USP25: variants seen among roughly 807,000 people sequenced by gnomAD.
USP25 encodes the protein ubiquitin carboxyl-terminal hydrolase 25.
USP25 carries 85 observed loss-of-function variants against 158.5 expected under a neutral mutation model. The observed-to-expected ratio is 0.54, with a 90% CI of 0.45 to 0.64. The LOEUF (loss-of-function observed/expected upper bound fraction) is 0.64, where lower values mean the gene tolerates loss of function less well. Among genes scored for constraint, USP25 ranks in the 30% least tolerant of loss-of-function variants. USP25 has a pLI of 0.00. For synonymous variants in USP25, 464 were observed against 460.4 expected, an observed-to-expected ratio of 1.01 and a Z score of -0.10; for missense variants, 1,242 against 1,327.3, an observed-to-expected ratio of 0.94 and a Z score of 1.00.
intron 4 of USP25, among the ~76,000 whole-genome samples, 175 bp from the exon 5 acceptor site, chr21:15,791,327 C>G (rs780330176): frequency 1.3e-5 from 2 of 151,800 alleles, no homozygotes; most frequent in Non-Finnish European, 2.9e-5. Flanking sequence ...CTATACTTCT[C>G]TATGTATTAG....
At chr21:15,755,410 G>A (rs376255935) in intron 1 of USP25, among the ~76,000 whole-genome samples, 11 of 152,182 alleles carry the variant, frequency 7.2e-5, no homozygotes, top group Middle Eastern at 3.4e-3. Context: ...CATTTTATAA[G>A]TATTTTACAT....
At chr21:15,872,530 GAACTACTAC>G (rs2039938124) in intron 23 of USP25, among the ~76,000 whole-genome samples, 2 of 152,094 alleles carry the variant, frequency 1.3e-5, no homozygotes, top group African/African-American at 2.4e-5. Context: ...ATTAATTAAC[GAACTACTAC>G]AACTTAATGT....
At chr21:15,872,119 T>C (rs2039920720) in intron 23 of USP25, among the ~76,000 whole-genome samples, 1 of 151,526 alleles carries the variant, frequency 6.6e-6, no homozygotes, top group African/African-American at 2.4e-5. Context: ...CAAAATTGTT[T>C]TTAATGAAAA....
At chr21:15,845,012 A>G (rs1298679104) in intron 18 of USP25, among the ~76,000 whole-genome samples, 1 of 152,180 alleles carries the variant, frequency 6.6e-6, no homozygotes, top group Non-Finnish European at 1.5e-5. Flanking sequence ...GCTGCTAGAA[A>G]TGAAAACTTT....
chr21:15,873,056 G>A (rs1383267534), intron 23 of USP25, among the ~76,000 whole-genome samples: 1 of 151,966 alleles, frequency 6.6e-6, no homozygotes, highest in Non-Finnish European at 1.5e-5. Flanking sequence ...ATGTTAGAAG[G>A]ATAGTTTTGA....
At chr21:15,866,533 A>C (rs1037319240) in intron 22 of USP25, among the ~76,000 whole-genome samples, 189 bp downstream of exon 22, 8 of 152,164 alleles carry the variant, frequency 5.3e-5, no homozygotes, top group African/African-American at 1.9e-4. Flanking sequence ...ATATGATAGC[A>C]TGTAGACCAA....
In USP25 at chr21:15,821,530, A is replaced by G. The variant is rs74500587; in HGVS notation, c.1081-2509A>G. On this transcript the variant is annotated intron_variant, in intron 10 of 25. Coordinates refer to ENST00000400183, the MANE Select transcript of USP25 (RefSeq NM_001283041.3). ...TACCAAGTTATAATAAAGTGCTAGA[A>G]GGAGTTTTTACAAAGCTTTAAAAAC... 3.4e-3 allele frequency among the ~76,000 whole-genome samples: 516 copies of G among 152,072 alleles called. 4 individuals carry two copies. Among genetic ancestry groups the G allele is most frequent in the African/African-American group, 0.011 (465 of 41,562 alleles).
chr21:15,761,962 G>T (rs1298457485), intron 1 of USP25, among the ~76,000 whole-genome samples: 1 of 152,048 alleles, frequency 6.6e-6, no homozygotes, highest in Non-Finnish European at 1.5e-5. Flanking sequence ...GTACGGGTTC[G>T]CCACTGTTAA....
chr21:15,776,549 C>T (rs903920620), intron 3 of USP25, among the ~76,000 whole-genome samples: 1 of 151,486 alleles, frequency 6.6e-6, no homozygotes, highest in African/African-American at 2.4e-5. Context: ...ATAAAGCCAC[C>T]TTATCCTCCC....
intron 1 of USP25, among the ~76,000 whole-genome samples, chr21:15,749,736 T>C (rs2032840238): frequency 1.3e-5 from 2 of 152,184 alleles, no homozygotes; most frequent in East Asian, 1.9e-4. Context: ...AAAGATCTTA[T>C]AAAGGAGGTA....
rs145973687 is a variant in USP25, at chr21:15,814,683, G to A, written c.931+3473G>A. Among the ~76,000 whole-genome samples the A allele has an allele frequency of 6.9e-3, 1,045 of 151,890 alleles. 8 individuals carry two copies. The highest frequency in any genetic ancestry group is 0.024 in the African/African-American group (1,012 of 41,356). ...GTGGAACTTTGAACTTGAGAGAGAT[G>A]ATTTAAGATATCGGTGGAAGAAATT... is the stretch of plus-strand genomic sequence containing the variant. On this transcript the variant is annotated intron_variant, in intron 9 of 25. Transcript: ENST00000400183.
At chr21:15,822,848 A>C (rs2037301550) in intron 10 of USP25, among the ~76,000 whole-genome samples, 1 of 152,040 alleles carries the variant, frequency 6.6e-6, no homozygotes, top group African/African-American at 2.4e-5. Flanking sequence ...TTCAGGTATT[A>C]TCCATATAAA....
chr21:15,853,285 A>G (rs564400064), intron 20 of USP25, among the ~76,000 whole-genome samples: 6 of 151,520 alleles, frequency 4.0e-5, no homozygotes, highest in Middle Eastern at 3.5e-3. Context: ...ACACATACAC[A>G]TGTGTACACA....
chr21:15,788,961 TTA>T (rs985059569), intron 4 of USP25, among the ~76,000 whole-genome samples: 10 of 151,998 alleles, frequency 6.6e-5, no homozygotes, highest in Non-Finnish European at 1.3e-4. Flanking sequence ...GCAAAGAAAG[TTA>T]TATAGGAGTG....
chr21:15,876,909 A>G (rs1473630585), intron 24 of USP25: 1 of 152,206 alleles, frequency 6.6e-6, no homozygotes, highest in African/African-American at 2.4e-5. Flanking sequence ...TGTAAACATA[A>G]GATTTTAAAT....
intron 4 of USP25, among the ~76,000 whole-genome samples, chr21:15,779,002 A>G (rs527242570): frequency 6.6e-6 from 1 of 152,268 alleles, no homozygotes; most frequent in African/African-American, 2.4e-5. Context: ...CCAAATAATC[A>G]GAGATTACTA....
chr21:15,811,043 T>G, intron 8 of USP25, 94 bp from the exon 9 acceptor site: 1 of 1,113,874 alleles, frequency 9.0e-7, no homozygotes, highest in Non-Finnish European at 1.3e-6. Flanking sequence ...CACATAAGTG[T>G]TTTTGTCTTG....
intron 20 of USP25, among the ~76,000 whole-genome samples, chr21:15,854,405 A>G (rs570832353): frequency 6.6e-6 from 1 of 151,832 alleles, no homozygotes; most frequent in South Asian, 2.1e-4. Context: ...CGGCCTCCCA[A>G]AGTGCTGGGA....
intron 1 of USP25, among the ~76,000 whole-genome samples, chr21:15,741,113 A>G (rs2032010590): frequency 6.7e-6 from 1 of 148,258 alleles, no homozygotes; most frequent in South Asian, 2.1e-4. Flanking sequence ...GGGTCTTCAC[A>G]TCGATTTGTT....
Sources: gnomAD v4.1 joint callset for allele counts (sites outside exome capture counted in the v4.1 genomes callset) on GRCh38, gnomAD v4.1.1 for gene constraint, MANE v1.5 for transcripts, NCBI Gene and HGNC (gene_info 2026-07-23, HGNC 2026-07-21) for gene names.